CADM2: variants seen among roughly 807,000 people sequenced by gnomAD.
CADM2 encodes cell adhesion molecule 2.
Under a neutral mutation model 49.8 loss-of-function variants are expected in CADM2, and 12 were observed. The ratio of observed to expected loss-of-function variants is 0.24; its 90% CI spans 0.15 to 0.39. The LOEUF (loss-of-function observed/expected upper bound fraction) is 0.39, where lower values mean the gene tolerates loss of function less well. CADM2 is among the 10% of genes least tolerant of loss of function. CADM2 has a pLI of 1.00. For synonymous variants in CADM2, 214 were observed against 175.4 expected, an observed-to-expected ratio of 1.22 and a Z score of -1.74; for missense variants, 378 against 492.3, an observed-to-expected ratio of 0.77 and a Z score of 2.20.
chr3:85,147,567 G>A (rs1471768136), intron 1 of CADM2, among the ~76,000 whole-genome samples: 1 of 151,916 alleles, frequency 6.6e-6, no homozygotes, highest in African/African-American at 2.4e-5. Context: ...TATCCATATT[G>A]GTTTTCTTTT....
At chr3:85,526,505 A>G (rs551265878) in intron 1 of CADM2, among the ~76,000 whole-genome samples, 1 of 152,342 alleles carries the variant, frequency 6.6e-6, no homozygotes, top group Admixed American at 6.5e-5. Context: ...AGAATGCGAT[A>G]TAATAGGAGG....
chr3:85,511,534 A>G (rs2040616161), intron 1 of CADM2, among the ~76,000 whole-genome samples: 1 of 152,098 alleles, frequency 6.6e-6, no homozygotes, highest in African/African-American at 2.4e-5. Flanking sequence ...GCTGTTTTGG[A>G]AAGTAATACA....
intron 1 of CADM2, among the ~76,000 whole-genome samples, chr3:85,284,913 A>G (rs2043593480): frequency 6.6e-6 from 1 of 152,116 alleles, no homozygotes; most frequent in Non-Finnish European, 1.5e-5. Flanking sequence ...TGAAGGGATT[A>G]GGGAGAGACA....
intron 3 of CADM2, among the ~76,000 whole-genome samples, chr3:85,834,970 A>G (rs573701599): frequency 1.3e-5 from 2 of 151,716 alleles, no homozygotes; most frequent in East Asian, 3.9e-4. Context: ...TATTCATTCA[A>G]TGTGTGGCTA....
At chr3:85,485,520 G>A (rs1215865159) in intron 1 of CADM2, among the ~76,000 whole-genome samples, 2 of 151,740 alleles carry the variant, frequency 1.3e-5, no homozygotes, top group African/African-American at 2.4e-5. Flanking sequence ...CAAACTCATC[G>A]CCATCCTGCA....
intron 1 of CADM2, among the ~76,000 whole-genome samples, chr3:85,675,845 T>C (rs905442924): frequency 5.3e-5 from 8 of 152,182 alleles, no homozygotes; most frequent in African/African-American, 1.9e-4. Context: ...TCTAATTTCT[T>C]CCTGTGTATG....
At chr3:85,957,252 C>T in intron 7 of CADM2, among the ~76,000 whole-genome samples, 1 of 151,532 alleles carries the variant, frequency 6.6e-6, no homozygotes, top group East Asian at 2.0e-4. Flanking sequence ...AATAATTTGG[C>T]TTTTATTAAG....
chr3:85,945,577 A>G (rs888943455), intron 7 of CADM2, among the ~76,000 whole-genome samples: 4 of 152,152 alleles, frequency 2.6e-5, no homozygotes, highest in Non-Finnish European at 5.9e-5. Flanking sequence ...AAGCTTATCT[A>G]CCATGATCAA....
intron 1 of CADM2, among the ~76,000 whole-genome samples, chr3:85,645,973 C>T (rs1347292640): frequency 6.6e-6 from 1 of 151,994 alleles, no homozygotes; most frequent in African/African-American, 2.4e-5. Context: ...AATCTGCCTT[C>T]ATGAGTTAGG....
chr3:85,421,878 C>T lies in CADM2; in HGVS notation c.62-304644C>T, dbSNP rs534776748. ...GGCACTAAGTATCAAAACGAACATT[C>T]GTTTTATCTATTTCTTGACATTTTC... On this transcript the variant is annotated intron_variant, in intron 1 of 9. Coordinates refer to ENST00000383699, the MANE Select transcript of CADM2 (RefSeq NM_001167675.2). Among the ~76,000 whole-genome samples, 8 of 152,298 alleles carry T rather than the reference C, an allele frequency of 5.3e-5. No individual in the cohort carries two copies. In the East Asian group the frequency reaches 1.4e-3, roughly 26 times the overall value.
intron 1 of CADM2, among the ~76,000 whole-genome samples, chr3:85,044,701 A>T (rs996815973): frequency 2.8e-4 from 43 of 152,266 alleles, no homozygotes; most frequent in Non-Finnish European, 4.6e-4. Context: ...GCCAAGAAAA[A>T]ACCAGTGAAA....
At chr3:85,650,972 C>T (rs1290060963) in intron 1 of CADM2, among the ~76,000 whole-genome samples, 3 of 148,116 alleles carry the variant, frequency 2.0e-5, no homozygotes, top group South Asian at 2.2e-4. Context: ...CTTCAAATTG[C>T]GCCTTCATTT....
intron 1 of CADM2, among the ~76,000 whole-genome samples, chr3:85,668,077 G>A (rs1321241908): frequency 2.0e-5 from 3 of 151,748 alleles, no homozygotes; most frequent in Non-Finnish European, 4.4e-5. Flanking sequence ...ATGTCAAGTC[G>A]TTTTTATAGC....
chr3:86,035,113 T>G (rs114121291), intron 8 of CADM2, among the ~76,000 whole-genome samples: 2 of 152,082 alleles, frequency 1.3e-5, no homozygotes, highest in African/African-American at 4.8e-5. Context: ...ATCTTTAGCA[T>G]GGCATACAAA....
chr3:85,446,752 G>A (rs1234675789), intron 1 of CADM2, among the ~76,000 whole-genome samples: 1 of 149,868 alleles, frequency 6.7e-6, no homozygotes, highest in Non-Finnish European at 1.5e-5. Context: ...ATAGGCATGG[G>A]CCACCACACC....
intron 1 of CADM2, among the ~76,000 whole-genome samples, chr3:85,184,845 C>G (rs544984494): frequency 1.3e-5 from 2 of 152,122 alleles, no homozygotes; most frequent in South Asian, 4.1e-4. Flanking sequence ...AGATAAATAT[C>G]CTAGACCTTA....
chr3:85,160,760 C>T (rs528666068), intron 1 of CADM2, among the ~76,000 whole-genome samples: 58 of 152,184 alleles, frequency 3.8e-4, no homozygotes, highest in African/African-American at 1.3e-3. Flanking sequence ...ATTAGTCTTC[C>T]CATGTAGGAA....
chr3:85,085,377 A>G (rs2037327783), intron 1 of CADM2, among the ~76,000 whole-genome samples: 1 of 152,086 alleles, frequency 6.6e-6, no homozygotes, highest in African/African-American at 2.4e-5. Context: ...TTGTTGTTGC[A>G]AAGGACAGTA....
chr3:85,158,545 A>C (rs1003435787), intron 1 of CADM2, among the ~76,000 whole-genome samples: 1 of 152,222 alleles, frequency 6.6e-6, no homozygotes, highest in Non-Finnish European at 1.5e-5. Context: ...TTGTAGGGAC[A>C]TGGATGAAAT....
Sources: gnomAD v4.1 joint callset for allele counts (sites outside exome capture counted in the v4.1 genomes callset) on GRCh38, gnomAD v4.1.1 for gene constraint, MANE v1.5 for transcripts, NCBI Gene and HGNC (gene_info 2026-07-23, HGNC 2026-07-21) for gene names.